The following MAD1L1 variants were observed in gnomAD, a reference collection of about 807,000 sequenced individuals.
The protein encoded by MAD1L1 is mitotic arrest deficient 1 like 1.
Under a neutral mutation model 96.9 loss-of-function variants are expected in MAD1L1, and 95 were observed. The observed-to-expected ratio is 0.98, with a 90% CI of 0.83 to 1.16. The LOEUF (loss-of-function observed/expected upper bound fraction) is 1.16, where lower values mean the gene tolerates loss of function less well. Among genes scored for constraint, MAD1L1 ranks in the 50% most tolerant of loss-of-function variants. The pLI, the probability that MAD1L1 is intolerant of heterozygous loss-of-function variation, is 0.00. For synonymous variants in MAD1L1, 473 were observed against 396.6 expected, an observed-to-expected ratio of 1.19 and a Z score of -2.29; for missense variants, 1,007 against 954.4, an observed-to-expected ratio of 1.06 and a Z score of -0.73.
intron 16 of MAD1L1, among the ~76,000 whole-genome samples, chr7:1,953,992 C>A (rs538925207): frequency 1.3e-3 from 196 of 152,278 alleles, no homozygotes; most frequent in African/African-American, 4.5e-3. Flanking sequence ...CCTCTCTACC[C>A]AGGGCGGCCT....
rs529829458 is a variant in MAD1L1 at position 2,106,252 on chromosome 7, C to T, written c.1074-36914G>A. Among the ~76,000 whole-genome samples the T allele has an allele frequency of 2.1e-3, 322 of 152,224 alleles. 2 individuals carry two copies. The highest frequency in any genetic ancestry group is 7.3e-3 in the African/African-American group (305 of 41,522). Reference sequence around the variant, plus strand: ...GCGTCGGTGCCTTGCGTGAAAGGTGCGAGCACGGCAGGCCGCTTCTCTATC... The same window carrying T: ...GCGTCGGTGCCTTGCGTGAAAGGTGTGAGCACGGCAGGCCGCTTCTCTATC... On this transcript the variant is annotated intron_variant, in intron 11 of 18. Transcript: ENST00000265854.
At chr7:2,167,160 C>G (rs1790469725) in intron 10 of MAD1L1, among the ~76,000 whole-genome samples, 1 of 152,156 alleles carries the variant, frequency 6.6e-6, no homozygotes, top group South Asian at 2.1e-4. Context: ...GGAGGTGCTG[C>G]TGCAAGTGGG....
At chr7:2,163,088 C>T (rs762436529) in intron 10 of MAD1L1, among the ~76,000 whole-genome samples, 1 of 152,212 alleles carries the variant, frequency 6.6e-6, no homozygotes, top group African/African-American at 2.4e-5. Context: ...TTGCTCTACA[C>T]ATAATTATTT....
intron 9 of MAD1L1, among the ~76,000 whole-genome samples, chr7:2,215,145 G>GA (rs1404691359): frequency 6.6e-6 from 1 of 152,184 alleles, no homozygotes; most frequent in East Asian, 1.9e-4. Flanking sequence ...TTGGGAGGCT[G>GA]AGGAGGGTGG....
chr7:1,918,242 C>T (rs148064300), intron 17 of MAD1L1, among the ~76,000 whole-genome samples: 3 of 152,304 alleles, frequency 2.0e-5, no homozygotes, highest in Admixed American at 6.5e-5. Flanking sequence ...CCAGCCTGGT[C>T]TCTGGCCCTG....
intron 10 of MAD1L1, among the ~76,000 whole-genome samples, chr7:2,180,173 G>A (rs1254052220): frequency 2.0e-5 from 3 of 152,182 alleles, no homozygotes; most frequent in Non-Finnish European, 2.9e-5. Context: ...CATGGGGACT[G>A]AGATTCTAAG....
In MAD1L1 at chr7:2,142,295, AG is replaced by A. The variant is rs1425736372; in HGVS notation, c.1073+6856del. Among the ~76,000 whole-genome samples, 1 of 152,218 alleles carries A rather than the reference AG, an allele frequency of 6.6e-6. No individual in the cohort carries two copies. The highest frequency in any genetic ancestry group is 1.5e-5 in the Non-Finnish European group (1 of 68,028). ...CACCACAGGAAAGCAGATGCCATCA[AG>A]GGCCCCGTTCTAGAGACAGACAAGG... On this transcript the variant is annotated intron_variant, in intron 11 of 18. Transcript: ENST00000265854. This position sits in a 1 kb window ranked among gnomAD's most constrained non-coding sequence, Gnocchi z 4.7.
At chr7:2,057,465 G>C (rs755238686) in intron 12 of MAD1L1, among the ~76,000 whole-genome samples, 2 of 152,150 alleles carry the variant, frequency 1.3e-5, no homozygotes, top group Non-Finnish European at 2.9e-5. Context: ...AGTGAGCCAA[G>C]ATTGCACCAC....
chr7:2,069,763 A>T (rs1266510318), intron 11 of MAD1L1, among the ~76,000 whole-genome samples: 1 of 152,208 alleles, frequency 6.6e-6, no homozygotes, highest in East Asian at 1.9e-4. Flanking sequence ...TGAGGTTGAA[A>T]GCCCAGCCTG....
chr7:1,995,513 C>G (rs1349193953), intron 14 of MAD1L1, among the ~76,000 whole-genome samples: 3 of 152,144 alleles, frequency 2.0e-5, no homozygotes, highest in Admixed American at 2.0e-4. Context: ...GGGAAGGGAC[C>G]AGTTGTGTGG....
At chr7:2,172,991 T>C (rs971163700) in intron 10 of MAD1L1, among the ~76,000 whole-genome samples, 1 of 152,202 alleles carries the variant, frequency 6.6e-6, no homozygotes, top group African/African-American at 2.4e-5. Context: ...GCCCCTGGCA[T>C]TCCCAGTCGA....
intron 18 of MAD1L1, among the ~76,000 whole-genome samples, chr7:1,870,757 TG>T (rs1785026723): frequency 7.4e-6 from 1 of 135,356 alleles, no homozygotes; most frequent in African/African-American, 2.9e-5. Context: ...AACATATGCC[TG>T]CCACGCTGAA....
At chr7:1,928,661 G>C (rs1449868108) in intron 17 of MAD1L1, among the ~76,000 whole-genome samples, 3 of 152,342 alleles carry the variant, frequency 2.0e-5, no homozygotes, top group African/African-American at 7.2e-5. Context: ...CATCCCATTT[G>C]AACCGCTCAG....
At chr7:1,970,007 A>G (rs1303481410) in intron 15 of MAD1L1, among the ~76,000 whole-genome samples, 1 of 152,222 alleles carries the variant, frequency 6.6e-6, no homozygotes, top group Non-Finnish European at 1.5e-5. Context: ...TTTATGAGAA[A>G]GCTACCTAAG....
chr7:2,189,633 G>C (rs912544753), intron 10 of MAD1L1, among the ~76,000 whole-genome samples: 1 of 152,232 alleles, frequency 6.6e-6, no homozygotes, highest in Non-Finnish European at 1.5e-5. Flanking sequence ...GTGGGTCCTA[G>C]AGCCAACGGG....
chr7:2,161,962 G>A (rs1175438769), intron 10 of MAD1L1, among the ~76,000 whole-genome samples: 1 of 146,406 alleles, frequency 6.8e-6, no homozygotes, highest in Non-Finnish European at 1.5e-5. Flanking sequence ...CAGCCACCCC[G>A]TCCGGGAGGT....
chr7:2,020,954 T>A, intron 12 of MAD1L1, among the ~76,000 whole-genome samples: 2 of 149,124 alleles, frequency 1.3e-5, no homozygotes, highest in South Asian at 2.2e-4. Context: ...ATGCAGAAAG[T>A]ATAGGAATAA....
At chr7:2,215,286 G>A (rs1463505571) in intron 9 of MAD1L1, among the ~76,000 whole-genome samples, 1 of 151,366 alleles carries the variant, frequency 6.6e-6, no homozygotes, top group Admixed American at 6.6e-5. Context: ...GCTGAGGCAG[G>A]AGACTCGCTT....
At chr7:2,181,032 T>C (rs190641016) in intron 10 of MAD1L1, among the ~76,000 whole-genome samples, 1 of 152,280 alleles carries the variant, frequency 6.6e-6, no homozygotes, top group African/African-American at 2.4e-5. Flanking sequence ...TCTTCAGGTT[T>C]GCTGATTCTT....
Sources: gnomAD v4.1 joint callset for allele counts (sites outside exome capture counted in the v4.1 genomes callset) on GRCh38, gnomAD v4.1.1 for gene constraint, Gnocchi (gnomAD v3.1) non-coding constraint, MANE v1.5 for transcripts, NCBI Gene and HGNC (gene_info 2026-07-23, HGNC 2026-07-21) for gene names.